ZNF385D: variants seen among roughly 807,000 people sequenced by gnomAD.
ZNF385D encodes zinc finger protein 385D.
In ZNF385D, 15 loss-of-function variants were observed where a neutral mutation model predicts 35.8. The observed-to-expected ratio is 0.42, with a 90% confidence interval of 0.28 to 0.64. The LOEUF (loss-of-function observed/expected upper bound fraction) is 0.64, where lower values mean the gene tolerates loss of function less well. Ranked by LOEUF, ZNF385D falls within the 30% of genes least tolerant of loss-of-function variation. The probability of loss-of-function intolerance (pLI) is 0.23; values close to 1 mark genes in which losing one functional copy is unlikely to be tolerated. For missense variants in ZNF385D, 474 were observed against 494.6 expected (o/e 0.96, Z 0.39); for synonymous variants, 212 against 186.8 (o/e 1.13, Z -1.10).
chr3:22,145,932 C>T (rs1294547961), intron 3 of ZNF385D, among the ~76,000 whole-genome samples: 2 of 151,800 alleles, frequency 1.3e-5, no homozygotes, highest in Non-Finnish European at 2.9e-5. Context: ...AATAAAACAG[C>T]AATGGAAACA....
At chr3:21,853,492 T>TTTAAAA (rs2125814913) in intron 3 of ZNF385D, among the ~76,000 whole-genome samples, 1 of 142,990 alleles carries the variant, frequency 7.0e-6, no homozygotes, top group South Asian at 2.2e-4. Flanking sequence ...AGTTTAATTG[T>TTTAAAA]TTAAAATTGC....
chr3:22,338,306 G>A (rs960838456), intron 2 of ZNF385D, among the ~76,000 whole-genome samples: 37 of 152,092 alleles, frequency 2.4e-4, no homozygotes, highest in African/African-American at 8.9e-4. Context: ...AAAGATTTTG[G>A]TGAGTATATG....
chr3:21,843,364 G>T (rs758216614), intron 3 of ZNF385D, among the ~76,000 whole-genome samples: 21 of 151,906 alleles, frequency 1.4e-4, no homozygotes, highest in Admixed American at 2.0e-4. Flanking sequence ...AGTGGACCAG[G>T]GGAATTATCC....
chr3:21,772,691 C>A (rs1187308976), intron 3 of ZNF385D, among the ~76,000 whole-genome samples: 1 of 151,862 alleles, frequency 6.6e-6, no homozygotes, highest in Non-Finnish European at 1.5e-5. Context: ...TATGATTGAG[C>A]AATTTCACTT....
chr3:21,822,108 G>T (rs546726365), intron 3 of ZNF385D, among the ~76,000 whole-genome samples: 7 of 151,892 alleles, frequency 4.6e-5, no homozygotes, highest in African/African-American at 1.4e-4. Flanking sequence ...ATCTCACTCT[G>T]TTGCCCAGGT....
chr3:22,149,052 C>A (rs2125716060), intron 3 of ZNF385D, among the ~76,000 whole-genome samples: 1 of 152,202 alleles, frequency 6.6e-6, no homozygotes. Context: ...GCTAATCAAA[C>A]TGTGATCCCA....
chr3:21,812,539 G>A (rs1004175657), intron 3 of ZNF385D, among the ~76,000 whole-genome samples: 5 of 152,244 alleles, frequency 3.3e-5, no homozygotes, highest in Admixed American at 2.6e-4. Context: ...TGGCACACCA[G>A]GAGGTTATAT....
intron 3 of ZNF385D, among the ~76,000 whole-genome samples, chr3:22,078,671 C>A (rs1477384656): frequency 2.0e-5 from 3 of 152,018 alleles, no homozygotes; most frequent in Admixed American, 6.6e-5. Context: ...TGATGGCAAT[C>A]AGTGTGTTTT....
chr3:21,540,184 CT>C (rs1242124350), intron 3 of ZNF385D, among the ~76,000 whole-genome samples: 4 of 152,034 alleles, frequency 2.6e-5, no homozygotes, highest in Non-Finnish European at 4.4e-5. Context: ...TTATAAGCTC[CT>C]TTTTTTGAAT....
At chr3:22,023,440 G>A (rs1476350790) in intron 3 of ZNF385D, among the ~76,000 whole-genome samples, 1 of 151,970 alleles carries the variant, frequency 6.6e-6, no homozygotes, top group East Asian at 1.9e-4. Context: ...CCACTAAAAA[G>A]GATCACACTG....
At chr3:22,077,887 T>C (rs974700857) in intron 3 of ZNF385D, among the ~76,000 whole-genome samples, 2 of 151,962 alleles carry the variant, frequency 1.3e-5, no homozygotes, top group Admixed American at 6.6e-5. Context: ...ACTCCACTTG[T>C]AGAAAATGCT....
intron 3 of ZNF385D, among the ~76,000 whole-genome samples, chr3:21,814,106 A>G (rs9840593): frequency 0.37 from 56,251 of 151,998 alleles, 11,904 homozygotes; most frequent in Non-Finnish European, 0.49. Context: ...ACTAAGCTTC[A>G]TAAGTGAAGG....
chr3:21,757,978 A>G (rs1404017237), intron 3 of ZNF385D, among the ~76,000 whole-genome samples: 2 of 152,178 alleles, frequency 1.3e-5, no homozygotes, highest in African/African-American at 4.8e-5. Context: ...TACTGTTCCT[A>G]CTGAGAATAT....
intron 3 of ZNF385D, among the ~76,000 whole-genome samples, chr3:22,003,398 G>A (rs1433929633): frequency 6.6e-6 from 1 of 152,082 alleles, no homozygotes; most frequent in Non-Finnish European, 1.5e-5. Context: ...AAGGAAAGCA[G>A]CAAAACACTC....
intron 4 of ZNF385D, among the ~76,000 whole-genome samples, chr3:21,509,181 C>T (rs1707014168): frequency 6.6e-6 from 1 of 151,932 alleles, no homozygotes; most frequent in Non-Finnish European, 1.5e-5. Context: ...TCAAGATAAC[C>T]CAAAGATGAA....
chr3:22,355,474 T>C (rs1696108727), intron 2 of ZNF385D, among the ~76,000 whole-genome samples: 2 of 151,784 alleles, frequency 1.3e-5, no homozygotes, highest in Non-Finnish European at 1.5e-5. Context: ...ATAAATAAAA[T>C]AGGAGTATAC....
chr3:21,590,207 C>T (rs2063930349), intron 2 of ZNF385D, among the ~76,000 whole-genome samples: 1 of 152,086 alleles, frequency 6.6e-6, no homozygotes. Context: ...ATGGATGGAT[C>T]TCAGACACAT....
chr3:22,009,510 C>G lies in ZNF385D; in HGVS notation c.325+159307G>C, dbSNP rs540606778. Among the ~76,000 whole-genome samples, 375 of 151,662 alleles carry G rather than the reference C, an allele frequency of 2.5e-3. 2 individuals carry two copies. The highest frequency in any genetic ancestry group is 8.7e-3 in the African/African-American group (358 of 41,344). ...TGGTGTCGGGTGCCTATAGTCCCAG[C>G]TACTCGGGAGGCTGAGTCAGGAGAA... On this transcript the variant is annotated intron_variant, in intron 3 of 5. Coordinates refer to the ZNF385D transcript ENST00000494108.
intron 2 of ZNF385D, among the ~76,000 whole-genome samples, chr3:22,326,279 G>T (rs1025649485): frequency 1.3e-5 from 2 of 152,124 alleles, no homozygotes; most frequent in African/African-American, 4.8e-5. Context: ...GCCAAATTTG[G>T]GGAAGATTTG....
Sources: gnomAD v4.1 joint callset for allele counts (sites outside exome capture counted in the v4.1 genomes callset) on GRCh38, gnomAD v4.1.1 for gene constraint, MANE v1.5 for transcripts, NCBI Gene and HGNC (gene_info 2026-07-23, HGNC 2026-07-21) for gene names.